CELA3A: variants seen among roughly 807,000 people sequenced by gnomAD.
The protein encoded by CELA3A is chymotrypsin-like elastase family member 3A.
In CELA3A, 35 loss-of-function variants were observed where a neutral mutation model predicts 38.6. The ratio of observed to expected loss-of-function variants is 0.91; its 90% CI spans 0.69 to 1.20. The LOEUF is 1.20. Ranked by LOEUF, CELA3A falls within the 50% of genes most tolerant of loss-of-function variation. The probability of loss-of-function intolerance (pLI) is 0.00; values close to 1 mark genes in which losing one functional copy is unlikely to be tolerated. For missense variants in CELA3A, 343 were observed against 354.2 expected (o/e 0.97, Z 0.25); for synonymous variants, 143 against 136.7 (o/e 1.05, Z -0.32).
At chr1:22,002,970 C>G (rs375456412) in intron 1 of CELA3A, 33 bp from the exon 2 acceptor site, 1 of 1,567,992 alleles carries the variant, frequency 6.4e-7, no homozygotes, top group African/African-American at 1.5e-5. Flanking sequence ...TGGGGACCCT[C>G]CAGCTGATTG....
At position 22,005,038 on chromosome 1, in the gene CELA3A, G is replaced by T. The variant is rs4559470; in HGVS notation, c.130-409G>T. Among the ~76,000 whole-genome samples, 1,432 of 149,944 alleles carry T rather than the reference G, an allele frequency of 9.6e-3. 64 individuals carry two copies. Among genetic ancestry groups the T allele is most frequent in the African/African-American group, 0.033 (1,325 of 40,252 alleles). ...CGCTTGAACCCGGGAGGCGGAGGTTGAAATGAGCTGAGATTGCCACCATTG... is the reference window on the plus strand; with the variant it reads ...CGCTTGAACCCGGGAGGCGGAGGTTTAAATGAGCTGAGATTGCCACCATTG... On this transcript the variant is annotated intron_variant, in intron 2 of 7. Coordinates refer to ENST00000290122, the MANE Select transcript of CELA3A (RefSeq NM_005747.5).
chr1:22,005,346 G>A, intron 2 of CELA3A, 101 bp from the exon 3 acceptor site: 3 of 1,407,716 alleles, frequency 2.1e-6, no homozygotes, highest in Non-Finnish European at 3.0e-6. Flanking sequence ...CATGTGAATG[G>A]CGCCCTCTAG....
At chr1:22,001,743 T>C (rs1411230674) in intron 1 of CELA3A, 26 bp downstream of exon 1, 2 of 1,611,464 alleles carry the variant, frequency 1.2e-6, no homozygotes, top group Non-Finnish European at 1.7e-6. Flanking sequence ...GTCTGTGTGC[T>C]CCCTGGGCTG....
In CELA3A at chr1:22,008,450, A is replaced by T. The variant is rs1418642702; in HGVS notation, c.642+935A>T. Reference sequence around the variant, plus strand: ...ACAGATGTGAGCCACTTTCCTGGCCAAGACCTTGTCTAAGAAAAAAAAACA... The same window carrying T: ...ACAGATGTGAGCCACTTTCCTGGCCTAGACCTTGTCTAAGAAAAAAAAACA... On this transcript the variant is annotated intron_variant, in intron 6 of 7. Transcript: ENST00000290122. 4.7e-5 allele frequency among the ~76,000 whole-genome samples: 7 copies of T among 148,530 alleles called. 1 individual carries two copies. The East Asian group carries it at 6.2e-4, about 13-fold the overall frequency.
In CELA3A at chr1:22,009,476, C is replaced by T. The variant is rs567060581; in HGVS notation, c.643-229C>T. On this transcript the variant is annotated intron_variant, in intron 6 of 7. Transcript: ENST00000290122. ...AGGAGAATCACTTGAACCTGGGAGC[C>T]GGGAGACGGAGGTTGCAATGAGCCA... Among the ~76,000 whole-genome samples, 8 of 151,456 alleles carry T rather than the reference C, an allele frequency of 5.3e-5. No homozygotes were observed. The South Asian group carries it at 1.0e-3, about 20-fold the overall frequency.
At position 22,006,870 on chromosome 1, in the gene CELA3A, C is replaced by T; in HGVS notation, c.363-8C>T. 2 of 1,611,452 alleles carry T rather than the reference C, an allele frequency of 1.2e-6. No homozygotes were observed. Among genetic ancestry groups the T allele is most frequent in the South Asian group, 2.2e-5 (2 of 90,944 alleles). On this transcript the variant is annotated splice_polypyrimidine_tract_variant and splice_region_variant and intron_variant, in intron 4 of 7. Coordinates refer to ENST00000290122, the MANE Select transcript of CELA3A (RefSeq NM_005747.5). Reference sequence around the variant, plus strand: ...GACCAGGCCCCGTGACTGTTCCCTCCTCCCCAGCAATGACATCGCCCTCAT... The same window carrying T: ...GACCAGGCCCCGTGACTGTTCCCTCTTCCCCAGCAATGACATCGCCCTCAT...
chr1:22,007,609 G>C, intron 6 of CELA3A, 94 bp downstream of exon 6: 2 of 1,509,182 alleles, frequency 1.3e-6, no homozygotes, highest in East Asian at 2.3e-5. Context: ...GATCTTGCCT[G>C]CTTGCCCCAT....
intron 6 of CELA3A, among the ~76,000 whole-genome samples, chr1:22,009,162 G>A (rs34552571): frequency 0.2 from 30,128 of 150,886 alleles, 4,029 homozygotes; most frequent in East Asian, 0.39. Context: ...TCAGGAGATC[G>A]AGACCATCCT....
At chr1:22,010,398 C>T (rs1387708512) in intron 7 of CELA3A, among the ~76,000 whole-genome samples, 1 of 151,106 alleles carries the variant, frequency 6.6e-6, no homozygotes, top group Non-Finnish European at 1.5e-5. Context: ...GCAGGTGGAT[C>T]ACGAGGTTAG....
At chr1:22,003,219 C>T (rs1311154762) in intron 2 of CELA3A, 131 bp downstream of exon 2, 6 of 975,982 alleles carry the variant, frequency 6.1e-6, no homozygotes, top group African/African-American at 5.3e-5. Context: ...ACCAGGCAGC[C>T]CTTGGACCAT....
At chr1:22,004,775 C>T (rs1242476713) in intron 2 of CELA3A, among the ~76,000 whole-genome samples, 2 of 150,676 alleles carry the variant, frequency 1.3e-5, no homozygotes, top group Non-Finnish European at 2.9e-5. Flanking sequence ...CTTCAGAAGG[C>T]TCAAGAGGCC....
At chr1:22,005,862 A>G in intron 4 of CELA3A, 66 bp downstream of exon 4, 1 of 1,604,006 alleles carries the variant, frequency 6.2e-7, no homozygotes, top group East Asian at 2.2e-5. Context: ...CCCACAGCCA[A>G]GTCTGAGTAG....
intron 1 of CELA3A, among the ~76,000 whole-genome samples, chr1:22,002,272 G>A (rs1298158448): frequency 6.6e-6 from 1 of 151,358 alleles, no homozygotes; most frequent in African/African-American, 2.4e-5. Flanking sequence ...CAGGAGATCA[G>A]TACTATCATT....
intron 1 of CELA3A, 79 bp downstream of exon 1, chr1:22,001,796 C>G: frequency 1.9e-6 from 3 of 1,571,052 alleles, no homozygotes; most frequent in Non-Finnish European, 2.6e-6. Context: ...CGCTCTGAGT[C>G]CCATGACATG....
rs150854439 is a variant in CELA3A at position 22,012,142 on chromosome 1, C to A, written c.796-308C>A. ...ATACACAAACACATACGTATATATA[C>A]ACACAAATACGTATATATATACACA... On this transcript the variant is annotated intron_variant, in intron 7 of 7. Coordinates refer to ENST00000290122, the MANE Select transcript of CELA3A (RefSeq NM_005747.5). Among the ~76,000 whole-genome samples, 82 of 127,814 alleles carry A rather than the reference C, an allele frequency of 6.4e-4. 28 individuals carry two copies. The East Asian group carries it at 0.019, about 30-fold the overall frequency. 83.9% of individuals were successfully genotyped at this position (127,814 alleles called of 152,430 possible). A position where few individuals can be genotyped will look rare whatever the true frequency, so the allele number is the denominator to read the frequency against.
intron 6 of CELA3A, among the ~76,000 whole-genome samples, chr1:22,008,472 A>C (rs1644964144): frequency 6.6e-6 from 1 of 150,806 alleles, no homozygotes; most frequent in South Asian, 2.1e-4. Flanking sequence ...AAGAAAAAAA[A>C]ACAAAGGCTG....
Position 22,005,686 on chromosome 1 carries a change from G to C in CELA3A, c.252G>C (p.Val84=), listed in dbSNP as rs199704332. The C allele has an allele frequency of 3.7e-6, 6 of 1,612,478 alleles. No individual in the cohort carries two copies. The highest frequency in any genetic ancestry group is 5.1e-6 in the Non-Finnish European group (6 of 1,179,458). Residue 84 remains valine, a synonymous_variant, in exon 4 of 8, where the codon GTG becomes GTC. Coordinates refer to ENST00000290122, the MANE Select transcript of CELA3A (RefSeq NM_005747.5). ...GGAGGGATCTGACCTACCAGGTGGT[G>C]TTGGGTGAGTACAACCTTGCTGTGA... is the stretch of plus-strand genomic sequence containing the variant. ...CISRDLTYQV[V]LGEYNLAVKE... is the part of the protein sequence containing the mutation.
chr1:22,007,964 T>A (rs1470279686), intron 6 of CELA3A, among the ~76,000 whole-genome samples: 3 of 150,512 alleles, frequency 2.0e-5, no homozygotes, highest in Admixed American at 6.6e-5. Flanking sequence ...CCAGCCTAGG[T>A]AATATAGTGA....
In CELA3A at chr1:22,004,751, C is replaced by G. The variant is rs1363162859; in HGVS notation, c.130-696C>G. 2.1e-4 allele frequency among the ~76,000 whole-genome samples: 32 copies of G among 151,050 alleles called. No individual in the cohort carries two copies. The South Asian group carries it at 6.5e-3, about 31-fold the overall frequency. On this transcript the variant is annotated intron_variant, in intron 2 of 7. Coordinates refer to ENST00000290122, the MANE Select transcript of CELA3A (RefSeq NM_005747.5). ...ATGGGAAGAGAGGCAAAGAACTCATCAGGGTGAGCTGTGCTTCAGAAGGCT... is the reference window on the plus strand; with the variant it reads ...ATGGGAAGAGAGGCAAAGAACTCATGAGGGTGAGCTGTGCTTCAGAAGGCT...
Sources: gnomAD v4.1 joint callset for allele counts (sites outside exome capture counted in the v4.1 genomes callset) on GRCh38, gnomAD v4.1.1 for gene constraint, MANE v1.5 for transcripts, NCBI Gene and HGNC (gene_info 2026-07-23, HGNC 2026-07-21) for gene names.